The following GPC6 variants were observed in gnomAD, a reference collection of about 807,000 sequenced individuals.
GPC6 encodes glypican 6.
In GPC6, 14 loss-of-function variants were observed where a neutral mutation model predicts 55.2. The ratio of observed to expected loss-of-function variants is 0.25; its 90% CI spans 0.17 to 0.40. The LOEUF (loss-of-function observed/expected upper bound fraction) is 0.40, where lower values mean the gene tolerates loss of function less well. Ranked by LOEUF, GPC6 falls within the 10% of genes least tolerant of loss-of-function variation. The probability of loss-of-function intolerance (pLI) is 1.00; values close to 1 mark genes in which losing one functional copy is unlikely to be tolerated. For missense variants in GPC6, 641 were observed against 708.5 expected (o/e 0.90, Z 1.08); for synonymous variants, 278 against 259.6 (o/e 1.07, Z -0.68).
intron 3 of GPC6, among the ~76,000 whole-genome samples, chr13:93,839,935 G>C (rs1395046623): frequency 6.6e-6 from 1 of 152,002 alleles, no homozygotes; most frequent in East Asian, 1.9e-4. Context: ...TTTCTTTTTG[G>C]GTTGTGTCCT....
chr13:93,793,398 T>TA (rs745803291), intron 2 of GPC6, among the ~76,000 whole-genome samples: 47 of 152,184 alleles, frequency 3.1e-4, no homozygotes, highest in African/African-American at 1.1e-3. Context: ...TAAGAAAACC[T>TA]AAAAAACAAA....
At chr13:94,290,259 T>C (rs7993430) in intron 5 of GPC6, among the ~76,000 whole-genome samples, 97,692 of 151,356 alleles carry the variant, frequency 0.65, 32,806 homozygotes, top group African/African-American at 0.84. Flanking sequence ...CCCATCTCTA[T>C]AAAAAATAAA....
At chr13:94,183,596 G>A (rs181918646) in intron 4 of GPC6, among the ~76,000 whole-genome samples, 13 of 152,212 alleles carry the variant, frequency 8.5e-5, no homozygotes, top group Admixed American at 1.3e-4. Flanking sequence ...GAAATTGCTG[G>A]GTCATATGGT....
At chr13:94,231,796 T>C (rs535762990) in intron 4 of GPC6, among the ~76,000 whole-genome samples, 6 of 151,914 alleles carry the variant, frequency 3.9e-5, no homozygotes, top group Non-Finnish European at 8.8e-5. Context: ...TAAAATAAAA[T>C]AAAAACAAAA....
At chr13:93,532,317 G>C (rs1444999136) in intron 1 of GPC6, among the ~76,000 whole-genome samples, 4 of 152,084 alleles carry the variant, frequency 2.6e-5, no homozygotes, top group South Asian at 2.1e-4. Flanking sequence ...GAATCTCTCT[G>C]TGTGTGTGTA....
intron 2 of GPC6, among the ~76,000 whole-genome samples, chr13:93,604,347 C>T (rs564156804): frequency 1.3e-5 from 2 of 152,190 alleles, no homozygotes; most frequent in East Asian, 1.9e-4. Context: ...CCAGGGCTTA[C>T]ACTTTCTGAT....
At chr13:93,780,545 A>C (rs960103676) in intron 2 of GPC6, among the ~76,000 whole-genome samples, 2 of 151,602 alleles carry the variant, frequency 1.3e-5, no homozygotes, top group African/African-American at 4.8e-5. Context: ...AACTATATGA[A>C]ATTTCATTAA....
chr13:94,282,125 C>T (rs369095130), intron 4 of GPC6, among the ~76,000 whole-genome samples: 12 of 152,202 alleles, frequency 7.9e-5, no homozygotes, highest in East Asian at 7.7e-4. Context: ...AAATAATAAT[C>T]GTACTATTAT....
intron 2 of GPC6, among the ~76,000 whole-genome samples, chr13:93,817,728 G>A (rs141313370): frequency 1.3e-3 from 192 of 151,864 alleles, no homozygotes; most frequent in Middle Eastern, 6.8e-3. Flanking sequence ...GTGTGGTGGC[G>A]TGCACCTGTA....
rs374784299 is a variant in GPC6, at chr13:94,204,064, G to A, written c.878-82285G>A. Among the ~76,000 whole-genome samples, 13 of 152,070 alleles carry A rather than the reference G, an allele frequency of 8.5e-5. No individual in the cohort carries two copies. In the East Asian group the frequency reaches 2.3e-3, roughly 27 times the overall value. ...ATCCAATAAATTTACACTTCCCAAG[G>A]CACTGAAGAAAATCATTGCTTTGGG... On this transcript the variant is annotated intron_variant, in intron 4 of 8. Transcript: ENST00000377047.
At chr13:93,997,640 A>G (rs1295804558) in intron 3 of GPC6, among the ~76,000 whole-genome samples, 1 of 151,820 alleles carries the variant, frequency 6.6e-6, no homozygotes, top group Non-Finnish European at 1.5e-5. Context: ...CTAGGAAACT[A>G]CCAAGATTGC....
intron 2 of GPC6, among the ~76,000 whole-genome samples, chr13:93,625,871 C>A (rs1879179847): frequency 6.6e-6 from 1 of 152,116 alleles, no homozygotes; most frequent in Admixed American, 6.6e-5. Flanking sequence ...CCAAGAACAG[C>A]CTGTATTTTT....
chr13:94,028,059 G>C (rs1451291485), intron 4 of GPC6, among the ~76,000 whole-genome samples, 165 bp downstream of exon 4: 2 of 152,110 alleles, frequency 1.3e-5, no homozygotes, highest in African/African-American at 4.8e-5. Context: ...GAGCCCAGGA[G>C]TTTGAGGCCA....
At chr13:94,228,513 T>C (rs1890623442) in intron 4 of GPC6, among the ~76,000 whole-genome samples, 1 of 150,282 alleles carries the variant, frequency 6.7e-6, no homozygotes, top group African/African-American at 2.4e-5. Flanking sequence ...TTACATGAGA[T>C]TTTTTTTTGT....
chr13:93,774,057 G>C (rs977469750), intron 2 of GPC6, among the ~76,000 whole-genome samples: 3 of 152,146 alleles, frequency 2.0e-5, no homozygotes, highest in African/African-American at 7.2e-5. Context: ...AGATCCGTGG[G>C]CATAGCTGCC....
intron 2 of GPC6, among the ~76,000 whole-genome samples, chr13:93,603,035 G>A (rs960405815): frequency 1.7e-4 from 25 of 150,564 alleles, no homozygotes; most frequent in Non-Finnish European, 7.4e-5. Context: ...TTTGAGACAA[G>A]TTCTCCATAT....
intron 1 of GPC6, among the ~76,000 whole-genome samples, chr13:93,390,686 G>A (rs1209916578): frequency 3.3e-5 from 5 of 151,664 alleles, no homozygotes; most frequent in Non-Finnish European, 7.4e-5. Flanking sequence ...TTTTTCCCCA[G>A]AAGATTGATC....
chr13:93,642,935 A>G (rs1034897445), intron 2 of GPC6, among the ~76,000 whole-genome samples: 2 of 152,140 alleles, frequency 1.3e-5, no homozygotes, highest in Admixed American at 1.3e-4. Flanking sequence ...TTACTTGCCA[A>G]GTAAAAGAGT....
At chr13:94,121,669 C>T (rs1886635408) in intron 4 of GPC6, among the ~76,000 whole-genome samples, 1 of 151,978 alleles carries the variant, frequency 6.6e-6, no homozygotes, top group Admixed American at 6.6e-5. Context: ...ATTGTGAACC[C>T]AAATAAAACA....
Sources: allele counts gnomAD v4.1 joint callset (sites outside exome capture counted in the v4.1 genomes callset), GRCh38; gene constraint gnomAD v4.1.1; transcripts MANE v1.5; gene names NCBI Gene and HGNC (gene_info 2026-07-23, HGNC 2026-07-21).